Variants in FTCDNL1 observed in about 807,000 individuals in gnomAD.
The protein encoded by FTCDNL1 is formiminotransferase N-terminal subdomain-containing protein.
A neutral mutation model predicts 5.9 loss-of-function variants in FTCDNL1; 11 were observed. The observed-to-expected ratio is 1.87, with a 90% CI of 1.18 to 3.10. The LOEUF is 3.10. Among genes scored for constraint, FTCDNL1 ranks in the 30% most tolerant of loss-of-function variants. FTCDNL1 has a pLI of 0.00. For synonymous variants in FTCDNL1, 58 were observed against 24.8 expected, an observed-to-expected ratio of 2.34 and a Z score of -3.99; for missense variants, 115 against 65.5, an observed-to-expected ratio of 1.76 and a Z score of -2.61.
At chr2:199,739,837 A>C in the FTCDNL1 span, among the ~76,000 whole-genome samples, 2 of 152,310 alleles carry the variant, frequency 1.3e-5, no homozygotes, top group African/African-American at 4.8e-5. Flanking sequence ...AACTCAGAGC[A>C]AATCTAGACT....
the FTCDNL1 span, among the ~76,000 whole-genome samples, chr2:199,691,972 T>C: frequency 2.6e-5 from 4 of 152,234 alleles, no homozygotes; most frequent in African/African-American, 7.2e-5. Context: ...ATTTGCATTA[T>C]TAAAATAGCT....
chr2:199,715,478 C>T, the FTCDNL1 span, among the ~76,000 whole-genome samples: 39 of 152,180 alleles, frequency 2.6e-4, 1 homozygote, highest in Admixed American at 1.6e-3. Context: ...CCTGCCACCA[C>T]GTAAGATGTG....
At chr2:199,747,016 G>T in the FTCDNL1 span, among the ~76,000 whole-genome samples, 1 of 137,500 alleles carries the variant, frequency 7.3e-6, no homozygotes, top group East Asian at 2.2e-4. Flanking sequence ...AGAGAAGAGG[G>T]TTTATTTAAA....
chr2:199,836,141 T>C (rs1702720426), intron 3 of FTCDNL1, among the ~76,000 whole-genome samples: 1 of 152,168 alleles, frequency 6.6e-6, no homozygotes, highest in South Asian at 2.1e-4. Context: ...AAGACATTTA[T>C]TCTTGTTGAT....
At chr2:199,718,610 T>A in the FTCDNL1 span, among the ~76,000 whole-genome samples, 3 of 152,190 alleles carry the variant, frequency 2.0e-5, no homozygotes, top group African/African-American at 7.2e-5. Flanking sequence ...TTTTTAGTTA[T>A]TTAAGGAATC....
the FTCDNL1 span, among the ~76,000 whole-genome samples, chr2:199,681,603 T>C: frequency 2.0e-5 from 3 of 152,082 alleles, no homozygotes; most frequent in Non-Finnish European, 4.4e-5. Flanking sequence ...CAGTCTATTG[T>C]CCTGAAATAA....
At chr2:199,698,599 C>A in the FTCDNL1 span, among the ~76,000 whole-genome samples, 1 of 152,082 alleles carries the variant, frequency 6.6e-6, no homozygotes, top group Non-Finnish European at 1.5e-5. Context: ...ATGCAACATA[C>A]CAGAATCTCT....
intron 3 of FTCDNL1, among the ~76,000 whole-genome samples, chr2:199,826,833 C>T (rs1191051702): frequency 6.6e-6 from 1 of 152,072 alleles, no homozygotes; most frequent in Non-Finnish European, 1.5e-5. Context: ...TCCTGTCCTT[C>T]CTGCATGAAC....
intron 3 of FTCDNL1, among the ~76,000 whole-genome samples, chr2:199,764,876 C>T (rs906106788): frequency 1.3e-5 from 2 of 152,306 alleles, no homozygotes; most frequent in Middle Eastern, 3.4e-3. Flanking sequence ...CCCTACTCCC[C>T]CTGACCCAGG....
chr2:199,748,254 T>C, the FTCDNL1 span, among the ~76,000 whole-genome samples: 1 of 152,188 alleles, frequency 6.6e-6, no homozygotes, highest in Non-Finnish European at 1.5e-5. Context: ...GGAAAGAGTT[T>C]GAGAAAAAAA....
chr2:199,820,591 A>G (rs1250346057), intron 3 of FTCDNL1, among the ~76,000 whole-genome samples: 3 of 152,358 alleles, frequency 2.0e-5, no homozygotes, highest in Admixed American at 6.5e-5. Flanking sequence ...AGAAAGTTCT[A>G]TTGGACAGCT....
the FTCDNL1 span, among the ~76,000 whole-genome samples, chr2:199,699,407 T>C: frequency 5.3e-5 from 8 of 152,164 alleles, no homozygotes; most frequent in African/African-American, 1.4e-4. Flanking sequence ...TGAGCTGTGA[T>C]TGCACCACTG....
intron 4 of FTCDNL1, among the ~76,000 whole-genome samples, chr2:199,814,811 CA>C (rs1165991390): frequency 6.6e-6 from 1 of 152,076 alleles, no homozygotes; most frequent in Non-Finnish European, 1.5e-5. Flanking sequence ...TTTCAAATAC[CA>C]GATAAAGTTT....
At chr2:199,697,113 A>T in the FTCDNL1 span, among the ~76,000 whole-genome samples, 1 of 152,254 alleles carries the variant, frequency 6.6e-6, no homozygotes, top group South Asian at 2.1e-4. Context: ...TCTACTAAAA[A>T]TACAAAAAAT....
At chr2:199,833,917 G>A (rs779374524) in intron 3 of FTCDNL1, among the ~76,000 whole-genome samples, 20 of 152,214 alleles carry the variant, frequency 1.3e-4, no homozygotes, top group Non-Finnish European at 2.8e-4. Flanking sequence ...GGAGAAAAAT[G>A]CTTTCTGCCC....
intron 3 of FTCDNL1, among the ~76,000 whole-genome samples, chr2:199,788,518 T>C (rs754202022): frequency 8.5e-5 from 13 of 152,306 alleles, no homozygotes; most frequent in Middle Eastern, 3.4e-3. Flanking sequence ...TAGGAACTGT[T>C]TGGATAATAA....
chr2:199,673,327 CAAAAAAA>C, the FTCDNL1 span, among the ~76,000 whole-genome samples: 4 of 69,762 alleles, frequency 5.7e-5, no homozygotes, highest in Admixed American at 1.8e-4. Flanking sequence ...GACTCTGTCT[CAAAAAAA>C]AAAAAAAAAA....
intron 3 of FTCDNL1, among the ~76,000 whole-genome samples, chr2:199,798,160 T>C (rs2106389690): frequency 6.6e-6 from 1 of 152,336 alleles, no homozygotes; most frequent in South Asian, 2.1e-4. Context: ...GTAACTCAAC[T>C]TGATGCAACA....
intron 3 of FTCDNL1, among the ~76,000 whole-genome samples, chr2:199,840,100 C>T (rs2076542985): frequency 6.6e-6 from 1 of 152,068 alleles, no homozygotes; most frequent in Non-Finnish European, 1.5e-5. Context: ...GGCAGCTAGT[C>T]CTAACTGGAA....
Sources: gnomAD v4.1 joint callset for allele counts (sites outside exome capture counted in the v4.1 genomes callset) on GRCh38, gnomAD v4.1.1 for gene constraint, MANE v1.5 for transcripts, NCBI Gene and HGNC (gene_info 2026-07-23, HGNC 2026-07-21) for gene names.